CNTN4: variants seen among roughly 807,000 people sequenced by gnomAD.
CNTN4 encodes the protein contactin-4.
A neutral mutation model predicts 122.5 loss-of-function variants in CNTN4; 77 were observed. That is an observed-to-expected ratio of 0.63 (90% CI 0.52 to 0.76). The LOEUF (loss-of-function observed/expected upper bound fraction) is 0.76. CNTN4 is among the 30% of genes least tolerant of loss of function. CNTN4 has a pLI of 0.00. For missense variants in CNTN4, 1,256 were observed against 1,259.1 expected, an observed-to-expected ratio of 1.00 and a Z score of 0.04; for synonymous variants, 512 against 447.0, an observed-to-expected ratio of 1.15 and a Z score of -1.83.
intron 3 of CNTN4, among the ~76,000 whole-genome samples, chr3:2,387,409 C>T (rs1013638914): frequency 3.3e-5 from 5 of 152,090 alleles, no homozygotes; most frequent in Non-Finnish European, 7.4e-5. Flanking sequence ...GCACTTGCTA[C>T]TACTGTGAAT....
intron 2 of CNTN4, among the ~76,000 whole-genome samples, chr3:2,303,403 T>C (rs1297525299): frequency 6.6e-6 from 1 of 152,104 alleles, no homozygotes; most frequent in East Asian, 1.9e-4. Flanking sequence ...GGACAACCAC[T>C]AATCCACTTT....
intron 4 of CNTN4, among the ~76,000 whole-genome samples, chr3:2,593,971 G>C (rs2080630380): frequency 1.3e-5 from 2 of 152,062 alleles, no homozygotes; most frequent in East Asian, 3.9e-4. Flanking sequence ...AACATAAATA[G>C]GTGTTTTCAG....
chr3:2,539,276 A>T (rs2077937817), intron 3 of CNTN4, among the ~76,000 whole-genome samples: 1 of 152,082 alleles, frequency 6.6e-6, no homozygotes, highest in African/African-American at 2.4e-5. Flanking sequence ...CATTTTAGTA[A>T]TCAGAATTCT....
At chr3:2,412,291 G>A (rs2151041854) in intron 3 of CNTN4, among the ~76,000 whole-genome samples, 1 of 150,520 alleles carries the variant, frequency 6.6e-6, no homozygotes, top group East Asian at 1.9e-4. Flanking sequence ...CACTCTTGTT[G>A]CCCAGGCTGG....
At chr3:2,402,303 C>G (rs1249509754) in intron 3 of CNTN4, among the ~76,000 whole-genome samples, 1 of 151,986 alleles carries the variant, frequency 6.6e-6, no homozygotes, top group Non-Finnish European at 1.5e-5. Flanking sequence ...GGACTTAGAC[C>G]AAACAAAAAT....
At position 2,286,996 on chromosome 3, in the gene CNTN4, G is replaced by A. The variant is rs17011814; in HGVS notation, c.-144-52182G>A. Among the ~76,000 whole-genome samples the A allele has an allele frequency of 8.1e-3, 1,230 of 152,286 alleles. 20 individuals carry two copies. Among genetic ancestry groups the A allele is most frequent in the African/African-American group, 0.028 (1,164 of 41,562 alleles). ...AAGTATGAAGAATCTAAACAGTTTT[G>A]TGGAGATATTCGTAGTTAGATCAAA... On this transcript the variant is annotated intron_variant, in intron 2 of 24. Transcript: ENST00000418658.
intron 3 of CNTN4, among the ~76,000 whole-genome samples, chr3:2,428,136 C>G (rs925296834): frequency 6.6e-6 from 1 of 152,094 alleles, no homozygotes; most frequent in African/African-American, 2.4e-5. Context: ...GGTTATTTTG[C>G]TGAGTAGTTG....
chr3:2,719,291 G>C (rs185284911), intron 4 of CNTN4, among the ~76,000 whole-genome samples: 1 of 148,950 alleles, frequency 6.7e-6, no homozygotes, highest in East Asian at 2.0e-4. Flanking sequence ...ATAAGGACAA[G>C]ACTTCACTTT....
chr3:2,300,155 A>AT (rs1306082937), intron 2 of CNTN4, among the ~76,000 whole-genome samples: 1 of 152,192 alleles, frequency 6.6e-6, no homozygotes, highest in Non-Finnish European at 1.5e-5. Flanking sequence ...GAGCAGAGTT[A>AT]TTTTATATTA....
chr3:2,628,742 A>G (rs1413510902), intron 4 of CNTN4, among the ~76,000 whole-genome samples: 1 of 152,208 alleles, frequency 6.6e-6, no homozygotes, highest in Non-Finnish European at 1.5e-5. Flanking sequence ...AGACAGTGGT[A>G]ACTGCCATAC....
intron 7 of CNTN4, among the ~76,000 whole-genome samples, chr3:2,840,654 A>T (rs575002108): frequency 6.9e-6 from 1 of 145,216 alleles, no homozygotes; most frequent in African/African-American, 2.6e-5. Context: ...AGCCAAGATC[A>T]CACCACTGCA....
At chr3:2,694,516 G>C (rs1477766376) in intron 4 of CNTN4, among the ~76,000 whole-genome samples, 1 of 152,152 alleles carries the variant, frequency 6.6e-6, no homozygotes, top group African/African-American at 2.4e-5. Flanking sequence ...GATCACTTTA[G>C]GTCAGGAGTT....
At chr3:2,788,111 A>G (rs572227797) in intron 6 of CNTN4, among the ~76,000 whole-genome samples, 6 of 152,286 alleles carry the variant, frequency 3.9e-5, no homozygotes, top group Admixed American at 3.9e-4. Flanking sequence ...TGTAATCATA[A>G]GAGTAACAAC....
At chr3:2,487,947 C>T (rs545119329) in intron 3 of CNTN4, among the ~76,000 whole-genome samples, 22 of 152,090 alleles carry the variant, frequency 1.4e-4, no homozygotes, top group African/African-American at 4.1e-4. Flanking sequence ...ATTTTAAGAC[C>T]GAAAATAAAG....
At chr3:2,624,251 G>C (rs1208629999) in intron 4 of CNTN4, among the ~76,000 whole-genome samples, 1 of 152,146 alleles carries the variant, frequency 6.6e-6, no homozygotes, top group Non-Finnish European at 1.5e-5. Context: ...GGTTTCACCA[G>C]TACACTAAAA....
intron 4 of CNTN4, among the ~76,000 whole-genome samples, chr3:2,626,364 G>C (rs985303292): frequency 6.6e-6 from 1 of 152,068 alleles, no homozygotes; most frequent in Admixed American, 6.6e-5. Context: ...AGGCGTGGTG[G>C]TGGGCACCTG....
chr3:2,553,963 G>C (rs1482193798), intron 3 of CNTN4, among the ~76,000 whole-genome samples: 2 of 152,082 alleles, frequency 1.3e-5, no homozygotes, highest in Admixed American at 6.6e-5. Flanking sequence ...AGGAGTTAAA[G>C]CTATGTGTTT....
At chr3:2,715,883 G>C (rs916276327) in intron 4 of CNTN4, among the ~76,000 whole-genome samples, 6 of 152,184 alleles carry the variant, frequency 3.9e-5, no homozygotes, top group Admixed American at 6.5e-5. Flanking sequence ...TGGGGGTCAG[G>C]ATAGCAACAT....
chr3:2,722,152 G>A (rs1362784159), intron 4 of CNTN4, among the ~76,000 whole-genome samples: 2 of 152,198 alleles, frequency 1.3e-5, no homozygotes, highest in African/African-American at 4.8e-5. Context: ...TAAAATTGCA[G>A]TGTTCTTCCT....
Sources: gnomAD v4.1 joint callset for allele counts (sites outside exome capture counted in the v4.1 genomes callset) on GRCh38, gnomAD v4.1.1 for gene constraint, MANE v1.5 for transcripts, NCBI Gene and HGNC (gene_info 2026-07-23, HGNC 2026-07-21) for gene names.